NF1: variants seen among roughly 807,000 people sequenced by gnomAD.
NF1 encodes the protein neurofibromin 1, also known as neurofibromin.
A neutral mutation model predicts 325.7 loss-of-function variants in NF1; 122 were observed. The ratio of observed to expected loss-of-function variants is 0.37; its 90% CI spans 0.32 to 0.44. The LOEUF is 0.44. NF1 is among the 20% of genes least tolerant of loss of function. NF1 has a pLI of 1.00. For synonymous variants in NF1, 1,091 were observed against 1,186.0 expected, an observed-to-expected ratio of 0.92 and a Z score of 1.65; for missense variants, 2,140 against 3,415.4, an observed-to-expected ratio of 0.63 and a Z score of 9.31.
chr17:31,095,077 TC>T lies in NF1; in HGVS notation c.-229del. 1 of 92,532 alleles carries T rather than the reference TC, an allele frequency of 1.1e-5. No homozygotes were observed. Among genetic ancestry groups the T allele is most frequent in the Non-Finnish European group, 2.0e-5 (1 of 51,224 alleles). The allele number at this position is 92,532 out of a possible 1,614,324, so 5.7% of individuals were successfully genotyped here. ...CAAGAGGCCCCCTCCCCTCCCCGGGTCCCCTTCCCCTATCCCCCTCCCCCCA... is the reference window on the plus strand; with the variant it reads ...CAAGAGGCCCCCTCCCCTCCCCGGGTCCCTTCCCCTATCCCCCTCCCCCCA... On this transcript the variant is annotated 5_prime_UTR_variant, in exon 1 of 58. Transcript: ENST00000358273.
At position 31,265,641 on chromosome 17, in the gene NF1, A is replaced by G. The variant is rs17882003; in HGVS notation, c.4835+302A>G. 1.5e-4 allele frequency among the ~76,000 whole-genome samples: 23 copies of G among 152,250 alleles called. No homozygotes were observed. The South Asian group carries it at 4.8e-3, about 32-fold the overall frequency. ...CACAAAGAATCTTTTGTTTTCAAGT[A>G]TATTCTGATTAAATAGTACTCACAA... On this transcript the variant is annotated intron_variant, in intron 36 of 57. Transcript: ENST00000358273.
At chr17:31,280,220 T>TTG (rs1472787111) in intron 36 of NF1, among the ~76,000 whole-genome samples, 13 of 151,452 alleles carry the variant, frequency 8.6e-5, no homozygotes, top group African/African-American at 2.9e-4. Flanking sequence ...ATTTTTTTTT[T>TTG]TTTTAAAAAA....
rs867080603 is a variant in NF1 at position 31,375,870 on chromosome 17, G to T, written c.*1715G>T. 8.6e-6 allele frequency: 2 copies of T among 232,398 alleles called. No homozygotes were observed. The highest frequency in any genetic ancestry group is 2.2e-5 in the African/African-American group (1 of 45,224). The allele number at this position is 232,398 out of a possible 1,614,324, so 14.4% of individuals were successfully genotyped here. ...ATTTTTTAAATTTGTTTACAGTCCT[G>T]GGAAAAGTAAGAATTATTTGCCAAA... On this transcript the variant is annotated 3_prime_UTR_variant, in exon 58 of 58. Coordinates refer to ENST00000358273, the MANE Select transcript of NF1 (RefSeq NM_001042492.3).
chr17:31,330,082 T>C (rs2069442625), intron 38 of NF1, among the ~76,000 whole-genome samples: 2 of 152,214 alleles, frequency 1.3e-5, no homozygotes. Flanking sequence ...CTTATGGTTA[T>C]ATCAAGTGTG....
At chr17:31,351,106 C>CT (rs17884546) in intron 50 of NF1, among the ~76,000 whole-genome samples, 1 of 152,008 alleles carries the variant, frequency 6.6e-6, no homozygotes, top group Non-Finnish European at 1.5e-5. Flanking sequence ...GAGATATGCC[C>CT]TTTTTGTTAT....
chr17:31,120,145 G>A (rs1914305735), intron 1 of NF1, among the ~76,000 whole-genome samples: 1 of 152,148 alleles, frequency 6.6e-6, no homozygotes. Flanking sequence ...AATTCTGCAA[G>A]AAAGTCAATG....
intron 1 of NF1, among the ~76,000 whole-genome samples, chr17:31,127,835 CT>C (rs1567801791): frequency 6.6e-6 from 1 of 151,172 alleles, no homozygotes. Flanking sequence ...TATCTTCAAT[CT>C]TTTTTTTTCT....
At chr17:31,143,866 G>C (rs1256563261) in intron 1 of NF1, among the ~76,000 whole-genome samples, 1 of 151,708 alleles carries the variant, frequency 6.6e-6, no homozygotes, top group Non-Finnish European at 1.5e-5. Flanking sequence ...CTGTTGCCCA[G>C]GCTGGAGTGC....
At chr17:31,370,222 C>T (rs1163054295) in intron 57 of NF1, among the ~76,000 whole-genome samples, 1 of 152,108 alleles carries the variant, frequency 6.6e-6, no homozygotes, top group Non-Finnish European at 1.5e-5. Context: ...AGAATATCAA[C>T]TTTTGACATA....
intron 36 of NF1, among the ~76,000 whole-genome samples, chr17:31,274,024 A>G (rs1292675781): frequency 1.3e-5 from 2 of 152,280 alleles, no homozygotes; most frequent in East Asian, 3.9e-4. Context: ...GTTTCTACCC[A>G]TGGTTATTTT....
intron 2 of NF1, among the ~76,000 whole-genome samples, chr17:31,157,816 C>T (rs1199073123): frequency 9.8e-6 from 1 of 101,722 alleles, no homozygotes; most frequent in South Asian, 3.3e-4. Context: ...AAAAAAAAAA[C>T]TTAGCGGGGT....
chr17:31,303,382 A>G (rs756115165), intron 36 of NF1, among the ~76,000 whole-genome samples: 1 of 152,174 alleles, frequency 6.6e-6, no homozygotes, highest in Non-Finnish European at 1.5e-5. Flanking sequence ...ATGGATAAAG[A>G]TGAAATTCTG....
At chr17:31,365,297 A>AAAAAAAAAAAAAG (rs397975647) in intron 57 of NF1, among the ~76,000 whole-genome samples, 2 of 148,740 alleles carry the variant, frequency 1.3e-5, no homozygotes, top group African/African-American at 5.0e-5. Flanking sequence ...AAAAAAAAAA[A>AAAAAAAAAAAAAG]GAAGGAAAGA....
intron 1 of NF1, among the ~76,000 whole-genome samples, chr17:31,151,681 A>G (rs1916954220): frequency 6.6e-6 from 1 of 152,188 alleles, no homozygotes. Context: ...ACTTAATACA[A>G]TGTAATACTA....
intron 29 of NF1, among the ~76,000 whole-genome samples, chr17:31,247,433 T>C (rs1961343451): frequency 6.6e-6 from 1 of 152,104 alleles, no homozygotes; most frequent in African/African-American, 2.4e-5. Flanking sequence ...AGACTGGATG[T>C]GAAATGCAGT....
At chr17:31,232,239 C>A in intron 25 of NF1, 50 bp downstream of exon 25, 1 of 1,108,774 alleles carries the variant, frequency 9.0e-7, no homozygotes, top group Non-Finnish European at 1.4e-6. Flanking sequence ...ATAAAGCCCC[C>A]CACCACACAA....
At chr17:31,371,176 T>C (rs2070629874) in intron 57 of NF1, among the ~76,000 whole-genome samples, 1 of 152,186 alleles carries the variant, frequency 6.6e-6, no homozygotes, top group African/African-American at 2.4e-5. Flanking sequence ...AATTTTTCAA[T>C]GTATTGAAAA....
intron 34 of NF1, 28 bp downstream of exon 34, chr17:31,260,543 G>A (rs2151464960): frequency 6.2e-7 from 1 of 1,612,506 alleles, no homozygotes; most frequent in South Asian, 1.1e-5. Context: ...TGGGGATAGT[G>A]AACACTCTCC....
chr17:31,336,644 A>G lies in NF1; in HGVS notation c.6157A>G (p.Arg2053Gly). Residue 2053 changes from arginine (R) to glycine (G), a missense_variant, in exon 42 of 58, where the codon AGG (arginine) becomes GGG (glycine). Arg to Gly is a moderately radical substitution (Grantham distance 125). This residue lies in a region of NF1 where 180 missense variants were observed against 435.1 expected (regional missense o/e 0.41). Transcript: ENST00000358273. This position sits in a 1 kb window ranked among gnomAD's most constrained non-coding sequence, Gnocchi z 5.5. The part of the protein sequence containing the change: ...VKLVSSKVIG[R>G]MCKIIDKTCL... ...TCCTGCTTCTTTACAGGTTATTGGA[A>G]GGATGTGCAAAATAATTGACAAGAC... 1 of 1,612,012 alleles carries G rather than the reference A, an allele frequency of 6.2e-7. No individual in the cohort carries two copies. The highest frequency in any genetic ancestry group is 8.5e-7 in the Non-Finnish European group (1 of 1,179,216).
Sources: gnomAD v4.1 joint callset for allele counts (sites outside exome capture counted in the v4.1 genomes callset) on GRCh38, gnomAD v4.1.1 for gene constraint, gnomAD v4.1.1 regional missense constraint, Gnocchi (gnomAD v3.1) non-coding constraint, MANE v1.5 for transcripts, NCBI Gene and HGNC (gene_info 2026-07-23, HGNC 2026-07-21) for gene names.